The following CLIP4 variants were observed in gnomAD, a reference collection of about 807,000 sequenced individuals.
The protein encoded by CLIP4 is CAP-Gly domain containing linker protein family member 4, also known as CAP-Gly domain-containing linker protein 4.
In CLIP4, 47 loss-of-function variants were observed where a neutral mutation model predicts 73.1. The observed-to-expected ratio is 0.64, with a 90% confidence interval of 0.51 to 0.82. CLIP4 has a LOEUF of 0.82. Among genes scored for constraint, CLIP4 ranks in the 40% least tolerant of loss-of-function variants. CLIP4 has a pLI of 0.00. For missense variants in CLIP4, 874 were observed against 852.9 expected (o/e 1.02, Z -0.31); for synonymous variants, 306 against 295.4 (o/e 1.04, Z -0.37).
rs1373090093 is a variant in CLIP4 at position 29,115,580 on chromosome 2, A to G, written c.-101A>G. 6.8e-6 allele frequency: 1 copy of G among 146,928 alleles called. No individual in the cohort carries two copies. Among genetic ancestry groups the G allele is most frequent in the Non-Finnish European group, 1.5e-5 (1 of 66,068 alleles). The allele number at this position is 146,928 out of a possible 1,614,324, so 9.1% of individuals were successfully genotyped here. On this transcript the variant is annotated 5_prime_UTR_variant, in exon 1 of 16. Coordinates refer to ENST00000320081, the MANE Select transcript of CLIP4 (RefSeq NM_024692.6). This position sits in a 1 kb window ranked among gnomAD's most constrained non-coding sequence, Gnocchi z 5.1. Reference sequence around the variant, plus strand: ...GGCTCCGTGGGCGGCCACGGGAGACAGCGCCGGCGGGAGCGCGCCTCTCGG... The same window carrying G: ...GGCTCCGTGGGCGGCCACGGGAGACGGCGCCGGCGGGAGCGCGCCTCTCGG...
intron 6 of CLIP4, among the ~76,000 whole-genome samples, chr2:29,140,649 C>G (rs985202610): frequency 1.3e-5 from 2 of 152,234 alleles, no homozygotes; most frequent in South Asian, 4.1e-4. Context: ...CCTGAGGAAT[C>G]GCCACACTGA....
chr2:29,152,680 C>T lies in CLIP4; in HGVS notation c.1022-5C>T. 6.2e-7 allele frequency: 1 copy of T among 1,611,892 alleles called. No homozygotes were observed. The highest frequency in any genetic ancestry group is 1.1e-5 in the South Asian group (1 of 90,514). On this transcript the variant is annotated splice_region_variant and splice_polypyrimidine_tract_variant and intron_variant, in intron 8 of 15. Coordinates refer to ENST00000320081, the MANE Select transcript of CLIP4 (RefSeq NM_024692.6). ...TTAACACTAAAATTCTGCATTCTCC[C>T]TTAGGTATTTTTGCACCTCTTTCAA...
chr2:29,107,721 G>T (rs1364083727), intron 1 of CLIP4, among the ~76,000 whole-genome samples: 3 of 151,988 alleles, frequency 2.0e-5, no homozygotes, highest in African/African-American at 7.2e-5. Context: ...TGCTGCCCAG[G>T]CTGGAGTGCA....
intron 14 of CLIP4, among the ~76,000 whole-genome samples, chr2:29,168,703 T>C (rs1667797067): frequency 6.6e-6 from 1 of 151,400 alleles, no homozygotes; most frequent in Admixed American, 6.6e-5. Flanking sequence ...TTTGTATTTT[T>C]AGTAGAGACG....
At chr2:29,143,380 A>T (rs894477003) in intron 6 of CLIP4, among the ~76,000 whole-genome samples, 49 of 140,112 alleles carry the variant, frequency 3.5e-4, no homozygotes, top group Non-Finnish European at 3.5e-4. Context: ...CTGTCTCCAC[A>T]TTTCCTATTC....
chr2:29,156,453 C>T lies in CLIP4; in HGVS notation c.1255+10C>T. The T allele has an allele frequency of 2.0e-6, 3 of 1,517,948 alleles. No homozygotes were observed. Among genetic ancestry groups the T allele is most frequent in the Non-Finnish European group, 2.7e-6 (3 of 1,128,320 alleles). The allele number at this position is 1,517,948 out of a possible 1,614,324, so 94.0% of individuals were successfully genotyped here. The stretch of plus-strand genomic sequence containing the variant: ...GTGACAGAGAAAGATGGTAATATAC[C>T]TTGTAACCTCTGTTTCTCAAAATTT... On this transcript the variant is annotated intron_variant, in intron 10 of 15. Coordinates refer to ENST00000320081, the MANE Select transcript of CLIP4 (RefSeq NM_024692.6).
At chr2:29,132,433 C>A in intron 4 of CLIP4, 188 bp downstream of exon 4, 2 of 587,596 alleles carry the variant, frequency 3.4e-6, no homozygotes, top group Admixed American at 3.1e-5. Flanking sequence ...GGTCTTTATA[C>A]CCTCCTGATA....
At chr2:29,167,245 T>C (rs1364375851) in intron 13 of CLIP4, among the ~76,000 whole-genome samples, 1 of 152,230 alleles carries the variant, frequency 6.6e-6, no homozygotes, top group Non-Finnish European at 1.5e-5. Context: ...TTTAGGTGAA[T>C]TCACTTGAAT....
intron 11 of CLIP4, 94 bp downstream of exon 11, chr2:29,157,441 C>T: frequency 6.3e-7 from 1 of 1,594,858 alleles, no homozygotes; most frequent in Non-Finnish European, 8.6e-7. Context: ...TAGAAGGAAC[C>T]CTTTACTTCA....
At chr2:29,140,546 G>T (rs1665690091) in intron 6 of CLIP4, among the ~76,000 whole-genome samples, 1 of 152,176 alleles carries the variant, frequency 6.6e-6, no homozygotes, top group Non-Finnish European at 1.5e-5. Context: ...ACATATGTGT[G>T]CATGTGTCTT....
chr2:29,157,085 C>G, intron 10 of CLIP4, 119 bp from the exon 11 acceptor site: 4 of 814,532 alleles, frequency 4.9e-6, no homozygotes, highest in Non-Finnish European at 8.2e-6. Flanking sequence ...TAATTTGACA[C>G]TAGATAATCC....
chr2:29,169,272 T>G (rs1326146393), intron 14 of CLIP4, among the ~76,000 whole-genome samples: 1 of 152,008 alleles, frequency 6.6e-6, no homozygotes, highest in Non-Finnish European at 1.5e-5. Flanking sequence ...TCTAAGGCCT[T>G]TCTCTATGGC....
At chr2:29,170,330 A>G (rs1216842812) in intron 14 of CLIP4, among the ~76,000 whole-genome samples, 1 of 152,132 alleles carries the variant, frequency 6.6e-6, no homozygotes, top group African/African-American at 2.4e-5. Flanking sequence ...AAGAAACTCC[A>G]TCCTGTTTTT....
chr2:29,159,465 G>C (rs1371479999), intron 11 of CLIP4, among the ~76,000 whole-genome samples: 10 of 152,044 alleles, frequency 6.6e-5, no homozygotes, highest in Admixed American at 5.2e-4. Flanking sequence ...GTTTAGTTTT[G>C]AATCAGGTTG....
chr2:29,176,735 T>C (rs1443845770), intron 15 of CLIP4, among the ~76,000 whole-genome samples: 1 of 152,232 alleles, frequency 6.6e-6, no homozygotes, highest in Non-Finnish European at 1.5e-5. Flanking sequence ...ATCTGTCTCC[T>C]GTCCTGTTGT....
At chr2:29,149,185 T>C (rs2148013249) in intron 8 of CLIP4, among the ~76,000 whole-genome samples, 1 of 152,306 alleles carries the variant, frequency 6.6e-6, no homozygotes, top group East Asian at 1.9e-4. Flanking sequence ...TCAATAAAAA[T>C]TGACCAATAA....
At position 29,182,225 on chromosome 2, in the gene CLIP4, T is replaced by C. The variant is rs1430406280; in HGVS notation, c.*332T>C. On this transcript the variant is annotated 3_prime_UTR_variant, in exon 16 of 16. Coordinates refer to ENST00000320081, the MANE Select transcript of CLIP4 (RefSeq NM_024692.6). ...TTTTGTTTTTGCACATCATAATGGA[T>C]TTTTCTTAGTGCCCTAATTGTGAAG... 1.1e-5 allele frequency: 2 copies of C among 176,668 alleles called. No homozygotes were observed. Among genetic ancestry groups the C allele is most frequent in the Non-Finnish European group, 2.4e-5 (2 of 84,058 alleles). 10.9% of individuals were successfully genotyped at this position (176,668 alleles called of 1,614,324 possible).
At chr2:29,165,356 A>G (rs943788797) in intron 13 of CLIP4, among the ~76,000 whole-genome samples, 1 of 151,974 alleles carries the variant, frequency 6.6e-6, no homozygotes, top group African/African-American at 2.4e-5. Flanking sequence ...AGGGCCCTTC[A>G]TGTATTAACC....
chr2:29,155,089 A>G (rs1572978086), intron 9 of CLIP4, among the ~76,000 whole-genome samples: 1 of 152,204 alleles, frequency 6.6e-6, no homozygotes, highest in Non-Finnish European at 1.5e-5. Context: ...GATGACATGG[A>G]CATTGCAATG....
Sources: gnomAD v4.1 joint callset for allele counts (sites outside exome capture counted in the v4.1 genomes callset) on GRCh38, gnomAD v4.1.1 for gene constraint, Gnocchi (gnomAD v3.1) non-coding constraint, MANE v1.5 for transcripts, NCBI Gene and HGNC (gene_info 2026-07-23, HGNC 2026-07-21) for gene names.